The following PLPPR1 variants were observed in gnomAD, a reference collection of about 807,000 sequenced individuals.
PLPPR1 encodes phospholipid phosphatase related 1, also known as phospholipid phosphatase-related protein type 1.
PLPPR1 carries 10 observed loss-of-function variants against 33.1 expected under a neutral mutation model. The ratio of observed to expected loss-of-function variants is 0.30; its 90% CI spans 0.19 to 0.51. The LOEUF (loss-of-function observed/expected upper bound fraction) is 0.51, where lower values mean the gene tolerates loss of function less well. PLPPR1 is among the 20% of genes least tolerant of loss of function. PLPPR1 has a pLI of 0.97. For missense variants in PLPPR1, 304 were observed against 408.1 expected (o/e 0.74, Z 2.20); for synonymous variants, 151 against 151.0 (o/e 1.00, Z 0.00).
rs529750035 is a variant in PLPPR1 at position 101,237,968 on chromosome 9, G to A, written c.64-31912G>A. Among the ~76,000 whole-genome samples, 6 of 98,962 alleles carry A rather than the reference G, an allele frequency of 6.1e-5. No homozygotes were observed. In the East Asian group the frequency reaches 1.3e-3, roughly 21 times the overall value. 64.9% of individuals were successfully genotyped at this position (98,962 alleles called of 152,430 possible). On this transcript the variant is annotated intron_variant, in intron 2 of 7. Coordinates refer to ENST00000374874, the MANE Select transcript of PLPPR1 (RefSeq NM_207299.2). Reference sequence around the variant, plus strand: ...CTATATATATATACACACACACACAGGCTATATAGCCTATATATATATATA... The same window carrying A: ...CTATATATATATACACACACACACAAGCTATATAGCCTATATATATATATA...
chr9:101,254,730 T>C (rs911903705), intron 2 of PLPPR1, among the ~76,000 whole-genome samples: 1 of 152,210 alleles, frequency 6.6e-6, no homozygotes, highest in Non-Finnish European at 1.5e-5. Flanking sequence ...TATGTGTTTA[T>C]GAAAATCCAA....
At chr9:101,318,444 T>C (rs1564037717) in intron 7 of PLPPR1, among the ~76,000 whole-genome samples, 1 of 151,874 alleles carries the variant, frequency 6.6e-6, no homozygotes, top group Non-Finnish European at 1.5e-5. Context: ...ATTGAATAGA[T>C]ACTATAATTC....
intron 1 of PLPPR1, among the ~76,000 whole-genome samples, chr9:101,100,922 T>C (rs867506558): frequency 6.6e-6 from 1 of 152,082 alleles, no homozygotes; most frequent in Non-Finnish European, 1.5e-5. Flanking sequence ...AGTGGGAGAA[T>C]CAAATGTGAA....
In PLPPR1 at chr9:101,322,198, C is replaced by CAAAAAAAAAAAA. The variant is rs57344415; in HGVS notation, c.946-1808_946-1797dup. ...GGGGGACAACAGCAAGACTTCATCT[C>CAAAAAAAAAAAA]AAAAAAAAAAAAAAAAAAAAAAAAA... is the stretch of plus-strand genomic sequence containing the variant. On this transcript the variant is annotated intron_variant, in intron 7 of 7. Coordinates refer to ENST00000374874, the MANE Select transcript of PLPPR1 (RefSeq NM_207299.2). 1.2e-3 allele frequency among the ~76,000 whole-genome samples: 32 copies of CAAAAAAAAAAAA among 27,684 alleles called. 2 individuals carry two copies. The highest frequency in any genetic ancestry group is 2.2e-3 in the Admixed American group (3 of 1,390). The allele number at this position is 27,684 out of a possible 152,430, so 18.2% of individuals were successfully genotyped here. A position where few individuals can be genotyped will look rare whatever the true frequency, so the allele number is the denominator to read the frequency against.
chr9:101,248,962 T>C (rs1291874896), intron 2 of PLPPR1, among the ~76,000 whole-genome samples: 1 of 151,928 alleles, frequency 6.6e-6, no homozygotes, highest in African/African-American at 2.4e-5. Flanking sequence ...CCAAAATACA[T>C]CTGGGAACAA....
At chr9:101,068,420 T>C in intron 1 of PLPPR1, among the ~76,000 whole-genome samples, 1 of 152,012 alleles carries the variant, frequency 6.6e-6, no homozygotes, top group Non-Finnish European at 1.5e-5. Flanking sequence ...GGGTTTTCAT[T>C]CATCACTGAA....
intron 1 of PLPPR1, among the ~76,000 whole-genome samples, chr9:101,081,570 G>T (rs896600550): frequency 5.9e-5 from 9 of 152,264 alleles, no homozygotes; most frequent in African/African-American, 2.2e-4. Context: ...TCTGAATTGG[G>T]TTAGAAGAAG....
chr9:101,274,375 A>C (rs1478016948), intron 3 of PLPPR1, among the ~76,000 whole-genome samples: 1 of 152,174 alleles, frequency 6.6e-6, no homozygotes, highest in Non-Finnish European at 1.5e-5. Context: ...GATTTGCTGA[A>C]GGTTCCACCT....
chr9:101,166,457 T>G (rs538267457), intron 1 of PLPPR1, among the ~76,000 whole-genome samples: 1 of 152,300 alleles, frequency 6.6e-6, no homozygotes, highest in African/African-American at 2.4e-5. Flanking sequence ...GTTGTGAAAC[T>G]TAGTAATACA....
chr9:101,154,967 G>A (rs1384724573), intron 1 of PLPPR1, among the ~76,000 whole-genome samples: 1 of 112,088 alleles, frequency 8.9e-6, no homozygotes, highest in Non-Finnish European at 1.7e-5. Context: ...CTCATGGGGT[G>A]GGGGGAGGGG....
intron 5 of PLPPR1, among the ~76,000 whole-genome samples, chr9:101,310,914 T>G (rs1446514834): frequency 3.9e-5 from 6 of 152,222 alleles, no homozygotes; most frequent in African/African-American, 1.4e-4. Context: ...AAACAGATTA[T>G]AGCTCAGTTA....
chr9:101,280,769 C>T lies in PLPPR1; in HGVS notation c.253-5335C>T, dbSNP rs114359939. 1.5e-3 allele frequency among the ~76,000 whole-genome samples: 226 copies of T among 152,154 alleles called. 2 individuals are homozygous for T. The highest frequency in any genetic ancestry group is 5.1e-3 in the African/African-American group (211 of 41,538). ...TAAAACGGAGTATAGAAGGAACATA[C>T]CTCAACACAATAAATGCCATATAAA... is the stretch of plus-strand genomic sequence containing the variant. On this transcript the variant is annotated intron_variant, in intron 3 of 7. Transcript: ENST00000374874.
chr9:101,202,278 T>C (rs896964130), intron 2 of PLPPR1, among the ~76,000 whole-genome samples: 1 of 152,216 alleles, frequency 6.6e-6, no homozygotes, highest in Non-Finnish European at 1.5e-5. Flanking sequence ...TATAGAGAAT[T>C]TCATGGTAAG....
At chr9:101,147,604 CAT>C (rs1831536109) in intron 1 of PLPPR1, among the ~76,000 whole-genome samples, 1 of 151,916 alleles carries the variant, frequency 6.6e-6, no homozygotes, top group African/African-American at 2.4e-5. Context: ...AAGAGGGGGA[CAT>C]ATGTGGAGAA....
At chr9:101,062,380 C>G (rs1308673486) in intron 1 of PLPPR1, among the ~76,000 whole-genome samples, 1 of 151,968 alleles carries the variant, frequency 6.6e-6, no homozygotes, top group Non-Finnish European at 1.5e-5. Flanking sequence ...CATTGATTGC[C>G]TGGATTTTAG....
At chr9:101,210,570 A>T (rs756988205) in intron 2 of PLPPR1, among the ~76,000 whole-genome samples, 4 of 152,216 alleles carry the variant, frequency 2.6e-5, no homozygotes, top group African/African-American at 7.2e-5. Flanking sequence ...GCCTTGCGTC[A>T]TATGAATATG....
At chr9:101,049,772 C>CAT (rs1352543053) in intron 1 of PLPPR1, among the ~76,000 whole-genome samples, 1 of 151,490 alleles carries the variant, frequency 6.6e-6, no homozygotes, top group Admixed American at 6.6e-5. Context: ...AAAAAATAAC[C>CAT]ATATATATGT....
At chr9:101,084,968 T>A (rs1830660277) in intron 1 of PLPPR1, among the ~76,000 whole-genome samples, 1 of 152,212 alleles carries the variant, frequency 6.6e-6, no homozygotes, top group Non-Finnish European at 1.5e-5. Flanking sequence ...TGGGATGGGT[T>A]AGGCCTGGTC....
At chr9:101,293,935 G>A (rs1179989410) in intron 4 of PLPPR1, among the ~76,000 whole-genome samples, 2 of 151,688 alleles carry the variant, frequency 1.3e-5, no homozygotes, top group East Asian at 1.9e-4. Flanking sequence ...CTAGCAGAAG[G>A]CAAGAAATAA....
Sources: allele counts gnomAD v4.1 joint callset (sites outside exome capture counted in the v4.1 genomes callset), GRCh38; gene constraint gnomAD v4.1.1; transcripts MANE v1.5; gene names NCBI Gene and HGNC (gene_info 2026-07-23, HGNC 2026-07-21).